Variants in DPP10 observed in about 807,000 individuals in gnomAD.
The protein encoded by DPP10 is dipeptidyl peptidase like 10, also known as inactive dipeptidyl peptidase 10.
A neutral mutation model predicts 120.9 loss-of-function variants in DPP10; 33 were observed. The ratio of observed to expected loss-of-function variants is 0.27; its 90% CI spans 0.21 to 0.37. DPP10 has a LOEUF of 0.37. Ranked by LOEUF, DPP10 falls within the 10% of genes least tolerant of loss-of-function variation. The pLI is 1.00. For synonymous variants in DPP10, 337 were observed against 326.1 expected (o/e 1.03, Z -0.36); for missense variants, 816 against 942.8 (o/e 0.87, Z 1.76).
At position 114,687,325 on chromosome 2, in the gene DPP10, G is replaced by T. The variant is rs148405852; in HGVS notation, c.60+244487G>T. On this transcript the variant is annotated intron_variant, in intron 1 of 25. Transcript: ENST00000410059. ...CTGTACATTTTTCTGTGCTTCTCTA[G>T]TGTAGTCACAAGGTGCTAACAGTTA... Among the ~76,000 whole-genome samples the T allele has an allele frequency of 2.5e-3, 379 of 152,060 alleles. 2 individuals are homozygous for T. Among genetic ancestry groups the T allele is most frequent in the Non-Finnish European group, 4.1e-3 (277 of 67,908 alleles).
intron 5 of DPP10, chr2:115,579,485 C>G (rs2081891285): frequency 6.6e-6 from 1 of 152,150 alleles, no homozygotes; most frequent in African/African-American, 2.4e-5. Flanking sequence ...ATGGTGGAAC[C>G]AAATGATGTA....
intron 5 of DPP10, among the ~76,000 whole-genome samples, chr2:115,665,633 A>T (rs911796102): frequency 2.6e-5 from 4 of 152,146 alleles, no homozygotes; most frequent in African/African-American, 9.7e-5. Context: ...CATTTTATGT[A>T]TCTTGCTATA....
chr2:115,141,579 A>G (rs2050929534), intron 1 of DPP10, among the ~76,000 whole-genome samples: 1 of 152,232 alleles, frequency 6.6e-6, no homozygotes, highest in Admixed American at 6.5e-5. Context: ...GATGGGGTAC[A>G]TAAATACTTG....
intron 1 of DPP10, among the ~76,000 whole-genome samples, chr2:115,241,563 C>T (rs1373770950): frequency 1.3e-5 from 2 of 152,116 alleles, no homozygotes; most frequent in Non-Finnish European, 2.9e-5. Context: ...GCATATTGCT[C>T]TCTCTCTCCC....
rs569121485 is a variant in DPP10 at position 114,752,148 on chromosome 2, C to T, written c.60+309310C>T. Among the ~76,000 whole-genome samples, 16 of 152,272 alleles carry T rather than the reference C, an allele frequency of 1.1e-4. No homozygotes were observed. In the East Asian group the frequency reaches 2.9e-3, roughly 28 times the overall value. On this transcript the variant is annotated intron_variant, in intron 1 of 25. Transcript: ENST00000410059. Reference sequence around the variant, plus strand: ...GTCAGGGTCTACACACTGAGAACCACTGCCTTAGCCTGCTGCTCCCAACTG... The same window carrying T: ...GTCAGGGTCTACACACTGAGAACCATTGCCTTAGCCTGCTGCTCCCAACTG...
intron 1 of DPP10, among the ~76,000 whole-genome samples, chr2:115,214,612 G>C (rs1385766795): frequency 6.6e-6 from 1 of 152,112 alleles, no homozygotes; most frequent in African/African-American, 2.4e-5. Context: ...CACTGAACAT[G>C]TGTTTGTCTC....
At chr2:115,816,941 T>C (rs897130970) in intron 21 of DPP10, among the ~76,000 whole-genome samples, 1 of 145,572 alleles carries the variant, frequency 6.9e-6, no homozygotes, top group Non-Finnish European at 1.5e-5. Flanking sequence ...AACACATCAG[T>C]GGACAATGTA....
chr2:115,059,655 A>G (rs1304910982), intron 1 of DPP10, among the ~76,000 whole-genome samples: 1 of 149,496 alleles, frequency 6.7e-6, no homozygotes, highest in African/African-American at 2.5e-5. Context: ...GATTTGGAAG[A>G]AATCTTGGGA....
Position 115,162,161 on chromosome 2 carries a change from AG to A in DPP10, c.61-147076del, listed in dbSNP as rs1471338947. ...CCCTCCCCCGCCCCGCCCCAGTTCCAGGCTCTCCTGCTTCTCCACGGACTCT... is the reference window on the plus strand; with the variant it reads ...CCCTCCCCCGCCCCGCCCCAGTTCCAGCTCTCCTGCTTCTCCACGGACTCT... On this transcript the variant is annotated intron_variant, in intron 1 of 25. Coordinates refer to ENST00000410059, the MANE Select transcript of DPP10 (RefSeq NM_020868.6). The A allele has an allele frequency of 2.6e-6, 4 of 1,541,052 alleles. No individual in the cohort carries two copies. The East Asian group carries it at 1.0e-4, about 39-fold the overall frequency.
rs551339594 is a variant in DPP10, at chr2:115,579,099, T to C, written c.441+53127T>C. The stretch of plus-strand genomic sequence containing the variant: ...AGTCACACAATTTTTACATTTTTTT[T>C]CCCATTTTTTACAGGAGAGCAATGG... On this transcript the variant is annotated intron_variant, in intron 5 of 25. Transcript: ENST00000410059. 8 of 152,338 alleles carry C rather than the reference T, an allele frequency of 5.3e-5. No individual in the cohort carries two copies. In the South Asian group the frequency reaches 8.3e-4, roughly 16 times the overall value. The allele number at this position is 152,338 out of a possible 1,614,324, so 9.4% of individuals were successfully genotyped here.
intron 1 of DPP10, among the ~76,000 whole-genome samples, chr2:114,775,973 G>A (rs1265038409): frequency 6.6e-6 from 1 of 152,128 alleles, no homozygotes; most frequent in Non-Finnish European, 1.5e-5. Context: ...CACATGGGAA[G>A]GACCCAGAAG....
At chr2:115,451,697 T>C (rs2073119231) in intron 3 of DPP10, among the ~76,000 whole-genome samples, 2 of 152,118 alleles carry the variant, frequency 1.3e-5, no homozygotes, top group South Asian at 4.1e-4. Context: ...TGTTTGCATG[T>C]TGGTTAATTT....
chr2:114,543,290 C>T (rs1013539620), intron 1 of DPP10, among the ~76,000 whole-genome samples: 2 of 152,220 alleles, frequency 1.3e-5, no homozygotes, highest in African/African-American at 4.8e-5. Context: ...CAGCACTTAA[C>T]TGAGTGCACA....
intron 1 of DPP10, among the ~76,000 whole-genome samples, chr2:115,042,277 T>A (rs1404311769): frequency 6.7e-6 from 1 of 149,838 alleles, no homozygotes; most frequent in Non-Finnish European, 1.5e-5. Flanking sequence ...ATTGTAATTA[T>A]TTTTTTTTTG....
At chr2:115,768,239 A>G in intron 12 of DPP10, 58 bp from the exon 13 acceptor site, 1 of 1,450,436 alleles carries the variant, frequency 6.9e-7, no homozygotes, top group Admixed American at 1.7e-5. Flanking sequence ...TAACAGTAGT[A>G]GGCAGCACAG....
chr2:115,289,367 A>G (rs896137836), intron 1 of DPP10, among the ~76,000 whole-genome samples: 2 of 151,910 alleles, frequency 1.3e-5, no homozygotes, highest in African/African-American at 4.8e-5. Context: ...ATATTGTGAA[A>G]ATGGCCATAC....
intron 1 of DPP10, among the ~76,000 whole-genome samples, chr2:114,979,557 T>C (rs1247400297): frequency 1.3e-5 from 2 of 152,050 alleles, no homozygotes. Flanking sequence ...TACTAAACAA[T>C]CTGTCACGTT....
chr2:114,868,185 G>A (rs997694096), intron 1 of DPP10, among the ~76,000 whole-genome samples: 1 of 152,138 alleles, frequency 6.6e-6, no homozygotes, highest in Non-Finnish European at 1.5e-5. Flanking sequence ...ATGCATTTAT[G>A]TAAAATGTGC....
intron 1 of DPP10, among the ~76,000 whole-genome samples, chr2:114,846,144 G>A (rs532010001): frequency 3.2e-4 from 48 of 151,946 alleles, no homozygotes; most frequent in African/African-American, 8.2e-4. Context: ...ATGTACCTCC[G>A]ATTGTATATA....
Sources: gnomAD v4.1 joint callset for allele counts (sites outside exome capture counted in the v4.1 genomes callset) on GRCh38, gnomAD v4.1.1 for gene constraint, MANE v1.5 for transcripts, NCBI Gene and HGNC (gene_info 2026-07-23, HGNC 2026-07-21) for gene names.